Variants in ZMYND8 observed in about 807,000 individuals in gnomAD.
ZMYND8 encodes zinc finger MYND-type containing 8, also known as MYND-type zinc finger-containing chromatin reader ZMYND8.
Under a neutral mutation model 140.8 loss-of-function variants are expected in ZMYND8, and 37 were observed. That is an observed-to-expected ratio of 0.26 (90% CI 0.20 to 0.35). The LOEUF is 0.35. ZMYND8 is among the 10% of genes least tolerant of loss of function. ZMYND8 has a pLI of 1.00. For synonymous variants in ZMYND8, 592 were observed against 597.1 expected (o/e 0.99, Z 0.12); for missense variants, 1,068 against 1,570.0 (o/e 0.68, Z 5.40).
At chr20:47,212,400 A>T (rs1335638427) in intron 22 of ZMYND8, among the ~76,000 whole-genome samples, 1 of 152,204 alleles carries the variant, frequency 6.6e-6, no homozygotes, top group Non-Finnish European at 1.5e-5. Context: ...CCCTTTATGA[A>T]AAGAGCGAGG....
intron 2 of ZMYND8, among the ~76,000 whole-genome samples, chr20:47,327,157 C>T (rs2080499727): frequency 6.6e-6 from 1 of 152,006 alleles, no homozygotes. Context: ...GCTGGAATTA[C>T]AGGCATGCAC....
chr20:47,313,432 C>G lies in ZMYND8; in HGVS notation c.86-3228G>C, dbSNP rs547159459. On this transcript the variant is annotated intron_variant, in intron 2 of 22. Transcript: ENST00000471951. Reference sequence around the variant, plus strand: ...AGTCAGGAGATCGAGACCATCCTGGCTAACATGGTGAAACCCCGTCTCTAC... The same window carrying G: ...AGTCAGGAGATCGAGACCATCCTGGGTAACATGGTGAAACCCCGTCTCTAC... Among the ~76,000 whole-genome samples, 328 of 151,352 alleles carry G rather than the reference C, an allele frequency of 2.2e-3. 2 individuals carry two copies. Among genetic ancestry groups the G allele is most frequent in the African/African-American group, 7.5e-3 (311 of 41,224 alleles).
In ZMYND8 at chr20:47,209,221, T is replaced by C. The variant is rs1415318445; in HGVS notation, c.*1540A>G. 4 of 150,052 alleles carry C rather than the reference T, an allele frequency of 2.7e-5. No individual in the cohort carries two copies. Among genetic ancestry groups the C allele is most frequent in the African/African-American group, 9.8e-5 (4 of 40,644 alleles). 9.3% of individuals were successfully genotyped at this position (150,052 alleles called of 1,614,324 possible). ...AATTCGAGGACGACCACGGCATTTT[T>C]CCAAAACAGTTTAATTAAAAAAAGG... On this transcript the variant is annotated 3_prime_UTR_variant, in exon 23 of 23. Transcript: ENST00000471951.
intron 3 of ZMYND8, among the ~76,000 whole-genome samples, chr20:47,300,930 G>GTATGTA (rs1556094524): frequency 2.8e-5 from 4 of 141,324 alleles, no homozygotes; most frequent in African/African-American, 1.1e-4. Flanking sequence ...GTGTGTGTGT[G>GTATGTA]TGTGTTTTGT....
rs535329324 is a variant in ZMYND8, at chr20:47,227,020, G to A, written c.3016+183C>T. The stretch of plus-strand genomic sequence containing the variant: ...CTGAACAGAGGAAAGGGGGGCTCCC[G>A]CCAACACCCACTCTTACACCTGGTT... On this transcript the variant is annotated intron_variant, in intron 18 of 22. Coordinates refer to ENST00000471951, the MANE Select transcript of ZMYND8 (RefSeq NM_001281775.3). Among the ~76,000 whole-genome samples, 9 of 152,192 alleles carry A rather than the reference G, an allele frequency of 5.9e-5. 1 individual carries two copies. The highest frequency in any genetic ancestry group is 1.2e-4 in the African/African-American group (5 of 41,530).
intron 21 of ZMYND8, among the ~76,000 whole-genome samples, chr20:47,218,058 A>T (rs1168114332): frequency 6.6e-6 from 1 of 152,210 alleles, no homozygotes; most frequent in East Asian, 1.9e-4. Context: ...CTTTCACACT[A>T]CAACGGCAGG....
At chr20:47,347,391 C>T (rs193114062) in intron 2 of ZMYND8, among the ~76,000 whole-genome samples, 1 of 152,198 alleles carries the variant, frequency 6.6e-6, no homozygotes, top group Non-Finnish European at 1.5e-5. Context: ...ACACTGGCCC[C>T]GGCATCCCAG....
At chr20:47,333,222 C>T (rs1305679429) in intron 2 of ZMYND8, among the ~76,000 whole-genome samples, 1 of 152,012 alleles carries the variant, frequency 6.6e-6, no homozygotes, top group Non-Finnish European at 1.5e-5. Flanking sequence ...GATAAAAAAA[C>T]ACAAATGCAT....
chr20:47,340,984 C>T (rs1473816554), intron 2 of ZMYND8, among the ~76,000 whole-genome samples: 1 of 152,098 alleles, frequency 6.6e-6, no homozygotes, highest in African/African-American at 2.4e-5. Flanking sequence ...TGTTAAAGTT[C>T]ATCAGACTGA....
chr20:47,238,683 G>C (rs752571837), intron 15 of ZMYND8, 75 bp downstream of exon 15: 103 of 1,541,306 alleles, frequency 6.7e-5, no homozygotes, highest in Non-Finnish European at 8.6e-5. Flanking sequence ...AAAAATAAAA[G>C]AGCAATGACT....
Position 47,238,755 on chromosome 20 carries a change from T to C in ZMYND8, c.2665+3A>G, listed in dbSNP as rs769810004. The stretch of plus-strand genomic sequence containing the variant: ...ACGGAGAACAGAAGGGGAGGCTCGG[T>C]ACCTTTCACAGCCTGTCTGGTCTGA... On this transcript the variant is annotated splice_donor_region_variant and intron_variant, in intron 15 of 22. Coordinates refer to ENST00000471951, the MANE Select transcript of ZMYND8 (RefSeq NM_001281775.3). 1 of 1,608,920 alleles carries C rather than the reference T, an allele frequency of 6.2e-7. No individual in the cohort carries two copies. Among genetic ancestry groups the C allele is most frequent in the Non-Finnish European group, 8.5e-7 (1 of 1,178,182 alleles).
At chr20:47,296,892 G>A (rs2077674251) in intron 4 of ZMYND8, among the ~76,000 whole-genome samples, 1 of 152,148 alleles carries the variant, frequency 6.6e-6, no homozygotes, top group African/African-American at 2.4e-5. Context: ...GGTGGTCAGG[G>A]CTGCAGTGAG....
At chr20:47,263,502 T>A (rs567255965) in intron 11 of ZMYND8, among the ~76,000 whole-genome samples, 66 of 152,340 alleles carry the variant, frequency 4.3e-4, no homozygotes, top group South Asian at 1.2e-3. Context: ...GAAACTCACA[T>A]ACCACTCGGC....
chr20:47,280,794 A>G (rs542718478), intron 10 of ZMYND8, among the ~76,000 whole-genome samples: 1 of 151,904 alleles, frequency 6.6e-6, no homozygotes, highest in East Asian at 1.9e-4. Context: ...ACTCCTGCCT[A>G]CCCCTCTGAC....
At chr20:47,325,793 G>T (rs549795135) in intron 2 of ZMYND8, among the ~76,000 whole-genome samples, 17 of 146,928 alleles carry the variant, frequency 1.2e-4, no homozygotes, top group East Asian at 7.8e-4. Context: ...ATTTTGTTTT[G>T]TTTTTTTTTT....
At chr20:47,276,269 C>G (rs752522465) in intron 11 of ZMYND8, 45 bp downstream of exon 11, 1 of 1,493,686 alleles carries the variant, frequency 6.7e-7, no homozygotes, top group Admixed American at 2.2e-5. Context: ...TGGGAAACCC[C>G]CGTGTCCAAG....
intron 6 of ZMYND8, among the ~76,000 whole-genome samples, chr20:47,291,165 G>T (rs938040238): frequency 2.6e-5 from 4 of 152,144 alleles, no homozygotes; most frequent in Non-Finnish European, 5.9e-5. Context: ...CTGGATTTAT[G>T]GTTTGGGAGT....
intron 1 of ZMYND8, chr20:47,354,579 A>G (rs2083066182): frequency 6.6e-6 from 1 of 152,184 alleles, no homozygotes; most frequent in Non-Finnish European, 1.5e-5. Context: ...CTCAACTTAG[A>G]ATGTGGTACG....
intron 3 of ZMYND8, among the ~76,000 whole-genome samples, chr20:47,308,458 C>T (rs1487493750): frequency 2.0e-5 from 3 of 152,186 alleles, no homozygotes; most frequent in Non-Finnish European, 4.4e-5. Flanking sequence ...TGACCTCAGG[C>T]GATCCGTTTG....
Sources: allele counts gnomAD v4.1 joint callset (sites outside exome capture counted in the v4.1 genomes callset), GRCh38; gene constraint gnomAD v4.1.1; transcripts MANE v1.5; gene names NCBI Gene and HGNC (gene_info 2026-07-23, HGNC 2026-07-21).